Variants in ASIC2 observed in about 807,000 individuals in gnomAD.
ASIC2 encodes the protein acid-sensing ion channel 2.
A neutral mutation model predicts 57.3 loss-of-function variants in ASIC2; 25 were observed. The observed-to-expected ratio is 0.44, with a 90% confidence interval of 0.32 to 0.61. The LOEUF (loss-of-function observed/expected upper bound fraction) is 0.61. Ranked by LOEUF, ASIC2 falls within the 20% of genes least tolerant of loss-of-function variation. ASIC2 has a pLI of 0.06. For missense variants in ASIC2, 641 were observed against 738.1 expected (o/e 0.87, Z 1.52); for synonymous variants, 319 against 307.5 (o/e 1.04, Z -0.39).
At chr17:33,883,697 A>C (rs1329002912) in intron 1 of ASIC2, among the ~76,000 whole-genome samples, 1 of 152,172 alleles carries the variant, frequency 6.6e-6, no homozygotes, top group Non-Finnish European at 1.5e-5. Context: ...ACAAGACTCA[A>C]GGCTTAAGAT....
At chr17:33,103,272 C>T (rs796963141) in intron 2 of ASIC2, among the ~76,000 whole-genome samples, 5 of 152,098 alleles carry the variant, frequency 3.3e-5, no homozygotes, top group South Asian at 2.1e-4. Context: ...TAATATTATC[C>T]AGGCACTTTT....
chr17:33,679,339 C>T (rs1432674575), intron 1 of ASIC2, among the ~76,000 whole-genome samples: 1 of 152,202 alleles, frequency 6.6e-6, no homozygotes, highest in Non-Finnish European at 1.5e-5. Flanking sequence ...TACAGATCCA[C>T]TTTTAAGAGT....
chr17:33,753,211 C>G (rs1910487334), intron 1 of ASIC2, among the ~76,000 whole-genome samples: 2 of 152,110 alleles, frequency 1.3e-5, no homozygotes, highest in South Asian at 4.1e-4. Flanking sequence ...TCTACAAAAG[C>G]TACATACCGT....
At chr17:33,184,805 C>T (rs932413970) in intron 1 of ASIC2, among the ~76,000 whole-genome samples, 1 of 152,140 alleles carries the variant, frequency 6.6e-6, no homozygotes, top group Non-Finnish European at 1.5e-5. Context: ...AAATTTAGGG[C>T]AGTAAAAGAC....
chr17:33,625,182 T>C (rs1489031585), intron 1 of ASIC2, among the ~76,000 whole-genome samples: 6 of 144,258 alleles, frequency 4.2e-5, no homozygotes, highest in South Asian at 4.4e-4. Flanking sequence ...TATCATCTAT[T>C]ATCTATCTAT....
intron 1 of ASIC2, among the ~76,000 whole-genome samples, chr17:34,131,987 T>A (rs925376264): frequency 8.5e-5 from 13 of 152,178 alleles, no homozygotes; most frequent in Non-Finnish European, 1.5e-5. Context: ...TTGTGACAAT[T>A]GTAGGTGCTG....
At chr17:33,111,009 C>A (rs1398022809) in intron 2 of ASIC2, among the ~76,000 whole-genome samples, 2 of 152,296 alleles carry the variant, frequency 1.3e-5, no homozygotes, top group East Asian at 3.9e-4. Context: ...TCTTGGGCAC[C>A]TCTTTACCTT....
intron 1 of ASIC2, among the ~76,000 whole-genome samples, chr17:33,539,163 C>T (rs563294998): frequency 6.6e-6 from 1 of 152,258 alleles, no homozygotes; most frequent in South Asian, 2.1e-4. Context: ...CTGCAGTGCC[C>T]CCAAAGAGGT....
At chr17:33,069,076 T>C (rs976576467) in intron 3 of ASIC2, among the ~76,000 whole-genome samples, 5 of 152,244 alleles carry the variant, frequency 3.3e-5, no homozygotes, top group African/African-American at 1.2e-4. Flanking sequence ...AATTTCACTT[T>C]TGATTTCTTC....
intron 1 of ASIC2, among the ~76,000 whole-genome samples, chr17:33,126,196 CAAGCAGG>C (rs1221240845): frequency 6.6e-6 from 1 of 152,152 alleles, no homozygotes; most frequent in African/African-American, 2.4e-5. Context: ...TCGTGAAGTG[CAAGCAGG>C]AAGAGAGAAA....
chr17:33,497,419 CT>C (rs138041995), intron 1 of ASIC2, among the ~76,000 whole-genome samples: 3 of 151,816 alleles, frequency 2.0e-5, no homozygotes, highest in African/African-American at 4.8e-5. Flanking sequence ...CTTGATGCAA[CT>C]TTTTTTTTCA....
intron 1 of ASIC2, among the ~76,000 whole-genome samples, chr17:33,926,571 T>C (rs926353405): frequency 6.6e-6 from 1 of 152,228 alleles, no homozygotes; most frequent in Non-Finnish European, 1.5e-5. Flanking sequence ...CAGCCACCCA[T>C]GTGGACAACC....
At chr17:33,287,295 G>C (rs1351094781) in intron 1 of ASIC2, among the ~76,000 whole-genome samples, 1 of 152,210 alleles carries the variant, frequency 6.6e-6, no homozygotes, top group African/African-American at 2.4e-5. Flanking sequence ...AGGTCTGCCT[G>C]GCACTCTCCC....
At chr17:34,047,018 T>C (rs1483823755) in intron 1 of ASIC2, among the ~76,000 whole-genome samples, 3 of 152,174 alleles carry the variant, frequency 2.0e-5, no homozygotes, top group African/African-American at 7.2e-5. Flanking sequence ...AAATGAACCT[T>C]TGAGGACATA....
chr17:33,884,168 T>C (rs1477459459), intron 1 of ASIC2, among the ~76,000 whole-genome samples: 1 of 152,236 alleles, frequency 6.6e-6, no homozygotes, highest in Non-Finnish European at 1.5e-5. Flanking sequence ...TCTTGCTCTT[T>C]GGCTGAAGAT....
At chr17:33,618,575 T>A (rs780455570) in intron 1 of ASIC2, among the ~76,000 whole-genome samples, 6 of 152,172 alleles carry the variant, frequency 3.9e-5, no homozygotes, top group Non-Finnish European at 7.3e-5. Flanking sequence ...CTGAACAATG[T>A]TTGCATTCTT....
intron 1 of ASIC2, among the ~76,000 whole-genome samples, chr17:33,549,656 C>T (rs1250677784): frequency 1.3e-5 from 2 of 152,148 alleles, no homozygotes; most frequent in African/African-American, 4.8e-5. Context: ...AGTTCAGATC[C>T]TTGGCATTAT....
chr17:33,503,228 A>G (rs187416929), intron 1 of ASIC2, among the ~76,000 whole-genome samples: 1 of 152,304 alleles, frequency 6.6e-6, no homozygotes, highest in Admixed American at 6.5e-5. Context: ...AAATTGCTGG[A>G]TTTTTAGGTT....
At chr17:33,550,405 T>A (rs1915716854) in intron 1 of ASIC2, among the ~76,000 whole-genome samples, 1 of 152,192 alleles carries the variant, frequency 6.6e-6, no homozygotes, top group East Asian at 1.9e-4. Flanking sequence ...AGGGCTCACA[T>A]GTGTGATGTT....
Sources: allele counts gnomAD v4.1 joint callset (sites outside exome capture counted in the v4.1 genomes callset), GRCh38; gene constraint gnomAD v4.1.1; transcripts MANE v1.5; gene names NCBI Gene and HGNC (gene_info 2026-07-23, HGNC 2026-07-21).